Variants in FAM53A observed in about 807,000 individuals in gnomAD.
FAM53A encodes the protein family with sequence similarity 53 member A.
Under a neutral mutation model 26.6 loss-of-function variants are expected in FAM53A, and 28 were observed. The observed-to-expected ratio is 1.05, with a 90% CI of 0.78 to 1.45. FAM53A has a LOEUF of 1.45. FAM53A is among the 40% of genes most tolerant of loss of function. The pLI is 0.00. For synonymous variants in FAM53A, 290 were observed against 253.1 expected, an observed-to-expected ratio of 1.15 and a Z score of -1.38; for missense variants, 650 against 575.8, an observed-to-expected ratio of 1.13 and a Z score of -1.32.
At chr4:1,647,331 T>A (rs1418135860) in intron 4 of FAM53A, among the ~76,000 whole-genome samples, 9 of 146,524 alleles carry the variant, frequency 6.1e-5, no homozygotes, top group Non-Finnish European at 9.0e-5. Flanking sequence ...CGAGACTCCA[T>A]CTCGGGAAAA....
At position 1,671,435 on chromosome 4, in the gene FAM53A, A is replaced by C. The variant is rs71614989; in HGVS notation, c.-164-2530T>G. 4.3e-3 allele frequency among the ~76,000 whole-genome samples: 75 copies of C among 17,370 alleles called. 1 individual carries two copies. Among genetic ancestry groups the C allele is most frequent in the East Asian group, 0.016 (6 of 384 alleles). 11.4% of individuals were successfully genotyped at this position (17,370 alleles called of 152,430 possible). A position where few individuals can be genotyped will look rare whatever the true frequency, so the allele number is the denominator to read the frequency against. On this transcript the variant is annotated intron_variant, in intron 1 of 4. Coordinates refer to ENST00000308132, the MANE Select transcript of FAM53A (RefSeq NM_001174070.3). ...TCACCTCTGTCCCAGCGTCAGAGCC[A>C]CCAGCTCACAGCCACAGCCACAGCC... is the stretch of plus-strand genomic sequence containing the variant.
chr4:1,637,976 G>A (rs1715921898), downstream of FAM53A, among the ~76,000 whole-genome samples: 1 of 151,782 alleles, frequency 6.6e-6, no homozygotes, highest in African/African-American at 2.4e-5. Flanking sequence ...CCCTGCCTGT[G>A]GCTAGTCGAG....
intron 4 of FAM53A, 61 bp downstream of exon 4, chr4:1,654,917 C>T: frequency 6.8e-7 from 1 of 1,462,140 alleles, no homozygotes; most frequent in Non-Finnish European, 9.0e-7. Context: ...CCAGCCTCAC[C>T]CCAGCACCGC....
intron 4 of FAM53A, among the ~76,000 whole-genome samples, chr4:1,654,105 C>CCCCACCCTAG (rs1713111783): frequency 6.6e-6 from 1 of 152,226 alleles, no homozygotes; most frequent in Non-Finnish European, 1.5e-5. Context: ...ACTGATCCCG[C>CCCCACCCTAG]CCCACCCTAG....
chr4:1,582,573 G>C, the FAM53A span, among the ~76,000 whole-genome samples: 5,904 of 152,242 alleles, frequency 0.039, 379 homozygotes, highest in African/African-American at 0.14. Flanking sequence ...GAGCCACCCA[G>C]CCCGAGATCA....
chr4:1,597,733 C>T, the FAM53A span, among the ~76,000 whole-genome samples: 5 of 152,346 alleles, frequency 3.3e-5, no homozygotes, highest in South Asian at 6.2e-4. Flanking sequence ...CGGTGGCTCA[C>T]GCCTGTAATC....
the FAM53A span, among the ~76,000 whole-genome samples, chr4:1,592,858 G>GC: frequency 6.6e-6 from 1 of 152,180 alleles, no homozygotes; most frequent in Non-Finnish European, 1.5e-5. Context: ...CACGCCTGGA[G>GC]CCCCCCAGAC....
At chr4:1,669,286 C>A (rs1363172929) in intron 1 of FAM53A, among the ~76,000 whole-genome samples, 1 of 152,250 alleles carries the variant, frequency 6.6e-6, no homozygotes, top group East Asian at 1.9e-4. Context: ...TACCCACCCC[C>A]TTCTGCTCCA....
the FAM53A span, among the ~76,000 whole-genome samples, chr4:1,593,079 G>C: frequency 6.6e-6 from 1 of 152,152 alleles, no homozygotes; most frequent in South Asian, 2.1e-4. Flanking sequence ...CGCAGCAGAG[G>C]GTCGGGCTTT....
downstream of FAM53A, among the ~76,000 whole-genome samples, chr4:1,638,277 G>A (rs945829567): frequency 1.3e-5 from 2 of 152,108 alleles, no homozygotes; most frequent in African/African-American, 2.4e-5. Flanking sequence ...GGGCCGGGCT[G>A]TGAGCTCACT....
intron 4 of FAM53A, among the ~76,000 whole-genome samples, chr4:1,649,119 G>C (rs1391697291): frequency 1.4e-5 from 2 of 144,124 alleles, no homozygotes; most frequent in Non-Finnish European, 3.0e-5. Flanking sequence ...AAGGGAAAGG[G>C]AAGAGGAAGG....
At chr4:1,581,321 T>C in the FAM53A span, among the ~76,000 whole-genome samples, 3 of 151,718 alleles carry the variant, frequency 2.0e-5, no homozygotes, top group African/African-American at 7.3e-5. Context: ...CCCCTCACCC[T>C]GGCCTCGCCT....
the FAM53A span, among the ~76,000 whole-genome samples, chr4:1,607,653 C>G: frequency 6.6e-6 from 1 of 152,162 alleles, no homozygotes; most frequent in Non-Finnish European, 1.5e-5. Flanking sequence ...TGGCTTCACC[C>G]GCCCAGTCCG....
rs994183742 is a variant in FAM53A at position 1,668,847 on chromosome 4, T to C, written c.-106A>G. On this transcript the variant is annotated 5_prime_UTR_variant, in exon 2 of 5. It removes an upstream start codon present in the reference 5' UTR. Transcript: ENST00000308132. ...CTGGGTCAGCCAAATCTCAAGGTCA[T>C]GTCTCCACTTTCTTTACAGATGAGC... 10 of 1,026,478 alleles carry C rather than the reference T, an allele frequency of 9.7e-6. No homozygotes were observed. The highest frequency in any genetic ancestry group is 3.2e-5 in the African/African-American group (2 of 63,046). 63.6% of individuals were successfully genotyped at this position (1,026,478 alleles called of 1,614,324 possible).
the FAM53A span, among the ~76,000 whole-genome samples, chr4:1,602,044 G>A: frequency 6.6e-6 from 1 of 151,742 alleles, no homozygotes; most frequent in Non-Finnish European, 1.5e-5. Context: ...GTGGGCCGGG[G>A]GAGATGGGAC....
At chr4:1,592,736 G>A in the FAM53A span, among the ~76,000 whole-genome samples, 1 of 152,174 alleles carries the variant, frequency 6.6e-6, no homozygotes, top group Non-Finnish European at 1.5e-5. Context: ...AGGAGCAGGA[G>A]GGAACAGAGT....
Position 1,641,477 on chromosome 4 carries a change from C to T in FAM53A, c.1013G>A (p.Cys338Tyr), listed in dbSNP as rs144405478. Residue 338 changes from cysteine (C) to tyrosine (Y), a missense_variant, in exon 5 of 5, where the codon TGC becomes TAC. Coordinates refer to ENST00000308132, the MANE Select transcript of FAM53A (RefSeq NM_001174070.3). ...RGLPGITMPG[C>Y]SQRGLRTSPV... ...GCTGGTCCTGAGGCCCCTCTGGCTG[C>T]AGCCAGGCATGGTGATGCCAGGGAG... The T allele has an allele frequency of 1.6e-3, 2,632 of 1,614,180 alleles. 18 individuals carry two copies. Among genetic ancestry groups the T allele is most frequent in the East Asian group, 0.015 (653 of 44,890 alleles).
In FAM53A at chr4:1,630,359, G is replaced by T. The variant is rs959487252; in HGVS notation, c.432-12248C>A. ...ACCACTCACCTCTGCCACTGCAGCC[G>T]AAACAGCCACAGCCAAGGTCTACAC... On this transcript the variant is annotated intron_variant, in intron 1 of 1. Transcript: ENST00000489029. The surrounding 1 kb of genome is among the most constrained non-coding windows in gnomAD (Gnocchi z 4.3). Among the ~76,000 whole-genome samples, 1 of 152,332 alleles carries T rather than the reference G, an allele frequency of 6.6e-6. No homozygotes were observed. The highest frequency in any genetic ancestry group is 2.4e-5 in the African/African-American group (1 of 41,560).
At position 1,659,505 on chromosome 4, in the gene FAM53A, C is replaced by T. The variant is rs1225187952; in HGVS notation, c.76-2037G>A. On this transcript the variant is annotated intron_variant, in intron 2 of 4. Coordinates refer to ENST00000308132, the MANE Select transcript of FAM53A (RefSeq NM_001174070.3). This position sits in a 1 kb window ranked among gnomAD's most constrained non-coding sequence, Gnocchi z 5.2. ...GCTCTCACGGGCAGCTTGAAGGAGC[C>T]ACAGGCCCGCACGGTCCCAAATGTG... Among the ~76,000 whole-genome samples, 1 of 152,180 alleles carries T rather than the reference C, an allele frequency of 6.6e-6. No homozygotes were observed. The highest frequency in any genetic ancestry group is 6.5e-5 in the Admixed American group (1 of 15,276).
Sources: gnomAD v4.1 joint callset for allele counts (sites outside exome capture counted in the v4.1 genomes callset) on GRCh38, gnomAD v4.1.1 for gene constraint, Gnocchi (gnomAD v3.1) non-coding constraint, MANE v1.5 for transcripts, NCBI Gene and HGNC (gene_info 2026-07-23, HGNC 2026-07-21) for gene names.